Variants in FARP1 observed in about 807,000 individuals in gnomAD.
The protein encoded by FARP1 is FERM, ARH/RhoGEF and pleckstrin domain protein 1.
Under a neutral mutation model 128.8 loss-of-function variants are expected in FARP1, and 52 were observed. The ratio of observed to expected loss-of-function variants is 0.40; its 90% CI spans 0.32 to 0.51. The LOEUF (loss-of-function observed/expected upper bound fraction) is 0.51, where lower values mean the gene tolerates loss of function less well. Ranked by LOEUF, FARP1 falls within the 20% of genes least tolerant of loss-of-function variation. FARP1 has a pLI of 0.45. For synonymous variants in FARP1, 580 were observed against 551.8 expected, an observed-to-expected ratio of 1.05 and a Z score of -0.72; for missense variants, 1,333 against 1,367.9, an observed-to-expected ratio of 0.97 and a Z score of 0.40.
chr13:98,366,657 C>G (rs1423677008), intron 4 of FARP1, among the ~76,000 whole-genome samples: 2 of 152,238 alleles, frequency 1.3e-5, no homozygotes, highest in Non-Finnish European at 2.9e-5. Flanking sequence ...AAAGCTGTCA[C>G]TTGGCATTGA....
intron 1 of FARP1, among the ~76,000 whole-genome samples, chr13:98,157,677 A>G (rs1876586264): frequency 6.6e-6 from 1 of 152,134 alleles, no homozygotes; most frequent in Non-Finnish European, 1.5e-5. Flanking sequence ...AGGTTCAGAG[A>G]GGTTAAGTGT....
intron 2 of FARP1, among the ~76,000 whole-genome samples, chr13:98,232,139 TGG>T (rs1566772839): frequency 7.9e-5 from 10 of 126,014 alleles, no homozygotes; most frequent in East Asian, 2.2e-4. Flanking sequence ...TTTTTTTGTT[TGG>T]TTGGTTTTTT....
chr13:98,406,998 G>A (rs760639605), intron 13 of FARP1: 45 of 152,670 alleles, frequency 2.9e-4, no homozygotes, highest in Non-Finnish European at 4.1e-4. Flanking sequence ...TCTAGGGCCT[G>A]TTAGTTGCTA....
At chr13:98,436,247 C>T (rs989863601) in intron 19 of FARP1, 14 of 195,458 alleles carry the variant, frequency 7.2e-5, no homozygotes, top group Non-Finnish European at 1.1e-4. Context: ...CCCTCCCCAG[C>T]CCCCTGCCTG....
chr13:98,435,617 G>A lies in FARP1; in HGVS notation c.2185G>A (p.Gly729Ser), dbSNP rs369055657. 33 of 1,613,808 alleles carry A rather than the reference G, an allele frequency of 2.0e-5. No individual in the cohort carries two copies. The highest frequency in any genetic ancestry group is 3.3e-5 in the Admixed American group (2 of 60,000). ...EITEMVAQLH[G>S]TMIKMENFQK... The stretch of plus-strand genomic sequence containing the variant: ...CACGGAGATGGTGGCACAGCTCCAC[G>A]GTACGATGATCAAGATGGAGAATTT... The change falls in exon 19 of 27, where the codon GGT (glycine) becomes AGT (serine). Residue 729 changes from glycine to serine, a missense_variant. Gly to Ser is a moderately conservative substitution (Grantham distance 56, BLOSUM62 0). Transcript: ENST00000319562.
At position 98,453,961 on chromosome 13, in the gene FARP1, C is replaced by T. The variant is rs1169382917; in HGVS notation, c.*5644C>T. 2.6e-5 allele frequency: 4 copies of T among 152,110 alleles called. No individual in the cohort carries two copies. The highest frequency in any genetic ancestry group is 3.8e-4 in the East Asian group (2 of 5,198). 9.4% of individuals were successfully genotyped at this position (152,110 alleles called of 1,614,324 possible). A position where few individuals can be genotyped will look rare whatever the true frequency, so the allele number is the denominator to read the frequency against. Reference sequence around the variant, plus strand: ...ACTTACCAGTGTGCAGCCCCAAATCCGAAATCTGACATGCCCCAGAGAGCA... The same window carrying T: ...ACTTACCAGTGTGCAGCCCCAAATCTGAAATCTGACATGCCCCAGAGAGCA... On this transcript the variant is annotated 3_prime_UTR_variant, in exon 27 of 27. Transcript: ENST00000319562.
At chr13:98,401,007 A>C (rs1309582196) in intron 13 of FARP1, 1 of 152,182 alleles carries the variant, frequency 6.6e-6, no homozygotes, top group Non-Finnish European at 1.5e-5. Context: ...TCAAAAAATT[A>C]CAACCTCAGG....
intron 2 of FARP1, among the ~76,000 whole-genome samples, chr13:98,340,270 T>C (rs1234853518): frequency 6.6e-6 from 1 of 152,218 alleles, no homozygotes; most frequent in East Asian, 1.9e-4. Context: ...TTAAGAGTTA[T>C]GAGAAAGAAG....
chr13:98,175,094 A>G (rs542536073), intron 1 of FARP1, among the ~76,000 whole-genome samples: 1 of 152,340 alleles, frequency 6.6e-6, no homozygotes, highest in East Asian at 1.9e-4. Context: ...ACTTTTCACT[A>G]ACTGACTTTT....
At chr13:98,435,807 A>C in intron 19 of FARP1, 101 bp downstream of exon 19, 1 of 1,235,276 alleles carries the variant, frequency 8.1e-7, no homozygotes, top group Non-Finnish European at 1.2e-6. Context: ...TTGCAAAGCA[A>C]AATGTCCTCT....
chr13:98,153,571 A>AAATATG (rs1876282859), intron 1 of FARP1, among the ~76,000 whole-genome samples: 1 of 138,034 alleles, frequency 7.2e-6, no homozygotes, highest in African/African-American at 2.6e-5. Context: ...TATATATTAT[A>AAATATG]TATATATTTC....
At position 98,441,566 on chromosome 13, in the gene FARP1, G is replaced by A. The variant is rs116295043; in HGVS notation, c.2796+730G>A. ...CTTTCTGAGCAGCGTTCCTTGCTCCGGGGTATGGTGCGGGACCCTTTCTAC... is the reference window on the plus strand; with the variant it reads ...CTTTCTGAGCAGCGTTCCTTGCTCCAGGGTATGGTGCGGGACCCTTTCTAC... On this transcript the variant is annotated intron_variant, in intron 24 of 26. Transcript: ENST00000319562. Among the ~76,000 whole-genome samples, 1,243 of 152,334 alleles carry A rather than the reference G, an allele frequency of 8.2e-3. 20 individuals carry two copies. Among genetic ancestry groups the A allele is most frequent in the African/African-American group, 0.029 (1,192 of 41,570 alleles).
chr13:98,302,741 G>A (rs999211609), intron 2 of FARP1, among the ~76,000 whole-genome samples: 12 of 152,196 alleles, frequency 7.9e-5, no homozygotes, highest in African/African-American at 2.7e-4. Flanking sequence ...GATTGAGGTC[G>A]ATGAGGTAGC....
intron 2 of FARP1, among the ~76,000 whole-genome samples, chr13:98,324,906 C>T (rs772965706): frequency 1.3e-5 from 2 of 152,206 alleles, no homozygotes; most frequent in Non-Finnish European, 2.9e-5. Context: ...CCCATGGCTG[C>T]CTTCCGAACT....
intron 1 of FARP1, among the ~76,000 whole-genome samples, chr13:98,211,041 TTAGTTATATA>T (rs966342810): frequency 3.3e-5 from 5 of 152,180 alleles, no homozygotes; most frequent in Non-Finnish European, 5.9e-5. Flanking sequence ...CCCTCTTTCT[TTAGTTATATA>T]TAGTACCATC....
chr13:98,389,266 G>T (rs1312653059), intron 9 of FARP1, among the ~76,000 whole-genome samples: 1 of 152,234 alleles, frequency 6.6e-6, no homozygotes, highest in South Asian at 2.1e-4. Flanking sequence ...AGCACAGCTT[G>T]TTTGTAAGTT....
chr13:98,257,606 C>G (rs1381064609), intron 2 of FARP1, among the ~76,000 whole-genome samples: 1 of 152,058 alleles, frequency 6.6e-6, no homozygotes, highest in African/African-American at 2.4e-5. Flanking sequence ...CCTGTCTGTA[C>G]TAAAGATACA....
At chr13:98,391,824 T>C (rs9582226) in intron 11 of FARP1, among the ~76,000 whole-genome samples, 7,701 of 152,020 alleles carry the variant, frequency 0.051, 336 homozygotes, top group African/African-American at 0.12. Context: ...AGCCCAATGC[T>C]CCAAGGAGGA....
At chr13:98,199,696 T>C (rs2139263598) in intron 1 of FARP1, among the ~76,000 whole-genome samples, 1 of 152,286 alleles carries the variant, frequency 6.6e-6, no homozygotes, top group East Asian at 1.9e-4. Flanking sequence ...GAATGATGTG[T>C]GTTAAGTCGA....
Sources: allele counts gnomAD v4.1 joint callset (sites outside exome capture counted in the v4.1 genomes callset), GRCh38; gene constraint gnomAD v4.1.1; transcripts MANE v1.5; gene names NCBI Gene and HGNC (gene_info 2026-07-23, HGNC 2026-07-21).